Variants in FNDC3B observed in about 807,000 individuals in gnomAD.
FNDC3B encodes fibronectin type III domain-containing protein 3B.
FNDC3B carries 12 observed loss-of-function variants against 151.5 expected under a neutral mutation model. The ratio of observed to expected loss-of-function variants is 0.08; its 90% confidence interval spans 0.05 to 0.13. FNDC3B has a LOEUF of 0.13. Ranked by LOEUF, FNDC3B falls within the 10% of genes least tolerant of loss-of-function variation. The pLI, the probability that FNDC3B is intolerant of heterozygous loss-of-function variation, is 1.00. For synonymous variants in FNDC3B, 528 were observed against 549.0 expected (o/e 0.96, Z 0.54); for missense variants, 1,214 against 1,505.3 (o/e 0.81, Z 3.20).
intron 3 of FNDC3B, among the ~76,000 whole-genome samples, chr3:172,212,436 A>T (rs1725778042): frequency 6.6e-6 from 1 of 152,212 alleles, no homozygotes; most frequent in South Asian, 2.1e-4. Flanking sequence ...GCACATCTGC[A>T]TCAAAACCAG....
At chr3:172,291,591 C>T (rs1291808383) in intron 7 of FNDC3B, among the ~76,000 whole-genome samples, 1 of 152,184 alleles carries the variant, frequency 6.6e-6, no homozygotes, top group Non-Finnish European at 1.5e-5. Flanking sequence ...ATACAACAGA[C>T]CCCTTTATAT....
intron 6 of FNDC3B, among the ~76,000 whole-genome samples, chr3:172,266,514 G>A (rs1728931494): frequency 6.6e-6 from 1 of 152,192 alleles, no homozygotes; most frequent in African/African-American, 2.4e-5. Context: ...TTCTATCACA[G>A]TTCTGGAGAG....
intron 25 of FNDC3B, among the ~76,000 whole-genome samples, chr3:172,389,357 C>T (rs1286440151): frequency 1.3e-5 from 2 of 152,096 alleles, no homozygotes; most frequent in Non-Finnish European, 2.9e-5. Flanking sequence ...ACTGGCCTCA[C>T]CACACTGGTC....
At chr3:172,356,867 C>G (rs2093975490) in intron 22 of FNDC3B, among the ~76,000 whole-genome samples, 1 of 152,146 alleles carries the variant, frequency 6.6e-6, no homozygotes, top group African/African-American at 2.4e-5. Context: ...TACCCTAGCC[C>G]TTTACCTGCG....
At chr3:172,146,218 T>C (rs1721902890) in intron 3 of FNDC3B, among the ~76,000 whole-genome samples, 1 of 152,248 alleles carries the variant, frequency 6.6e-6, no homozygotes, top group Admixed American at 6.5e-5. Context: ...TAATTTATTC[T>C]TAGTTAATAG....
intron 1 of FNDC3B, among the ~76,000 whole-genome samples, chr3:172,099,806 A>C (rs999660425): frequency 6.6e-6 from 1 of 152,242 alleles, no homozygotes; most frequent in Admixed American, 6.5e-5. Context: ...AGACCCTGTC[A>C]GGTGAACTCT....
At chr3:172,245,439 G>A (rs1727726401) in intron 4 of FNDC3B, among the ~76,000 whole-genome samples, 1 of 152,084 alleles carries the variant, frequency 6.6e-6, no homozygotes, top group Admixed American at 6.5e-5. Context: ...TTCCATGAAA[G>A]AGAAACATCT....
chr3:172,166,260 T>C (rs1722996912), intron 3 of FNDC3B, among the ~76,000 whole-genome samples: 1 of 152,222 alleles, frequency 6.6e-6, no homozygotes, highest in Non-Finnish European at 1.5e-5. Flanking sequence ...ACTATTTTGA[T>C]CACTGCTATA....
chr3:172,148,251 C>T (rs1295373015), intron 3 of FNDC3B, among the ~76,000 whole-genome samples: 1 of 151,958 alleles, frequency 6.6e-6, no homozygotes, highest in Non-Finnish European at 1.5e-5. Context: ...AGTTAGGAAA[C>T]TTATAAAAAA....
intron 3 of FNDC3B, chr3:172,134,522 A>G (rs779041970): frequency 3.9e-5 from 16 of 410,736 alleles, no homozygotes; most frequent in Non-Finnish European, 6.5e-5. Context: ...CCAATATACA[A>G]ACAAACTGGG....
At chr3:172,188,040 G>C (rs554030888) in intron 3 of FNDC3B, among the ~76,000 whole-genome samples, 2 of 145,062 alleles carry the variant, frequency 1.4e-5, no homozygotes, top group Admixed American at 1.4e-4. Flanking sequence ...TTGTTGCCCA[G>C]GCTGGAGTGC....
rs894879161 is a variant in FNDC3B at position 172,040,216 on chromosome 3, G to A, written c.-29+445G>A. Among the ~76,000 whole-genome samples the A allele has an allele frequency of 6.6e-6, 1 of 151,958 alleles. No homozygotes were observed. The highest frequency in any genetic ancestry group is 2.4e-5 in the African/African-American group (1 of 41,408). On this transcript the variant is annotated intron_variant, in intron 1 of 25. Coordinates refer to ENST00000415807, the MANE Select transcript of FNDC3B (RefSeq NM_022763.4). This position sits in a 1 kb window ranked among gnomAD's most constrained non-coding sequence, Gnocchi z 6.6. ...GAGGGGGAGGGCGGGCGGCGAGGCC[G>A]AGGAATCTTCGACGTGTCACTTTCT...
At chr3:172,324,905 A>C (rs1481196727) in intron 11 of FNDC3B, among the ~76,000 whole-genome samples, 1 of 152,342 alleles carries the variant, frequency 6.6e-6, no homozygotes, top group East Asian at 1.9e-4. Context: ...CTGACTGCTC[A>C]TGTGCTGCGA....
intron 10 of FNDC3B, among the ~76,000 whole-genome samples, chr3:172,310,084 T>C (rs908671087): frequency 6.6e-6 from 1 of 152,174 alleles, no homozygotes; most frequent in African/African-American, 2.4e-5. Context: ...ACTGTCTCTC[T>C]AGATCTGTCT....
At chr3:172,194,911 C>T (rs778297888) in intron 3 of FNDC3B, among the ~76,000 whole-genome samples, 2 of 152,190 alleles carry the variant, frequency 1.3e-5, no homozygotes, top group East Asian at 1.9e-4. Context: ...GTTGCCTTGG[C>T]GAAGTAACGG....
intron 2 of FNDC3B, among the ~76,000 whole-genome samples, chr3:172,123,879 T>C (rs1720676528): frequency 6.6e-6 from 1 of 152,226 alleles, no homozygotes. Flanking sequence ...GGAAATCAGA[T>C]ACTAGGTTTA....
chr3:172,181,864 G>A (rs1192933745), intron 3 of FNDC3B, among the ~76,000 whole-genome samples: 3 of 151,314 alleles, frequency 2.0e-5, no homozygotes, highest in Non-Finnish European at 2.9e-5. Context: ...TTTTCAGTGG[G>A]AGCACAGACT....
At chr3:172,043,926 C>G (rs969745186) in intron 1 of FNDC3B, among the ~76,000 whole-genome samples, 4 of 152,074 alleles carry the variant, frequency 2.6e-5, no homozygotes, top group African/African-American at 9.7e-5. Context: ...CTGAAAAAAA[C>G]GATCCTCTCA....
chr3:172,102,956 G>T (rs1166742063), intron 1 of FNDC3B, among the ~76,000 whole-genome samples: 1 of 152,072 alleles, frequency 6.6e-6, no homozygotes, highest in Non-Finnish European at 1.5e-5. Context: ...AGGTTAGCTT[G>T]GGTATGTGTG....
Sources: gnomAD v4.1 joint callset for allele counts (sites outside exome capture counted in the v4.1 genomes callset) on GRCh38, gnomAD v4.1.1 for gene constraint, Gnocchi (gnomAD v3.1) non-coding constraint, MANE v1.5 for transcripts, NCBI Gene and HGNC (gene_info 2026-07-23, HGNC 2026-07-21) for gene names.